GPC6: variants seen among roughly 807,000 people sequenced by gnomAD.
The protein encoded by GPC6 is glypican 6, also known as glypican-6.
In GPC6, 14 loss-of-function variants were observed where a neutral mutation model predicts 55.2. The ratio of observed to expected loss-of-function variants is 0.25; its 90% CI spans 0.17 to 0.40. GPC6 has a LOEUF of 0.40. GPC6 is among the 10% of genes least tolerant of loss of function. GPC6 has a pLI of 1.00. For missense variants in GPC6, 641 were observed against 708.5 expected (o/e 0.90, Z 1.08); for synonymous variants, 278 against 259.6 (o/e 1.07, Z -0.68).
At chr13:93,627,824 GA>G (rs1299125727) in intron 2 of GPC6, among the ~76,000 whole-genome samples, 7 of 152,054 alleles carry the variant, frequency 4.6e-5, no homozygotes, top group African/African-American at 1.7e-4. Context: ...TGTTTTTTCA[GA>G]ATGCATATTT....
At chr13:93,382,621 T>G (rs1222389365) in intron 1 of GPC6, among the ~76,000 whole-genome samples, 2 of 152,214 alleles carry the variant, frequency 1.3e-5, no homozygotes. Context: ...TTTCTAGAGC[T>G]ATGTTGCCAG....
At chr13:93,506,129 G>A (rs1880703999) in intron 1 of GPC6, among the ~76,000 whole-genome samples, 1 of 152,036 alleles carries the variant, frequency 6.6e-6, no homozygotes, top group African/African-American at 2.4e-5. Flanking sequence ...GTCTGGTTTG[G>A]TATGTTAGCA....
At chr13:93,636,922 G>T (rs955190738) in intron 2 of GPC6, among the ~76,000 whole-genome samples, 1 of 142,138 alleles carries the variant, frequency 7.0e-6, no homozygotes, top group South Asian at 2.1e-4. Flanking sequence ...CAGAATAATG[G>T]TATAGTTTTT....
chr13:93,780,813 A>G (rs1255747071), intron 2 of GPC6, among the ~76,000 whole-genome samples: 4 of 152,142 alleles, frequency 2.6e-5, no homozygotes, highest in African/African-American at 9.7e-5. Context: ...GCTTCCTGTG[A>G]TAGTAAAAAC....
intron 1 of GPC6, among the ~76,000 whole-genome samples, chr13:93,252,459 C>A (rs1324963262): frequency 2.6e-5 from 4 of 152,170 alleles, no homozygotes; most frequent in Non-Finnish European, 5.9e-5. Context: ...TGATGTCTTC[C>A]CTGCTTTTAT....
chr13:94,083,373 C>A (rs1171959288), intron 4 of GPC6, among the ~76,000 whole-genome samples: 1 of 152,192 alleles, frequency 6.6e-6, no homozygotes, highest in African/African-American at 2.4e-5. Flanking sequence ...CCACCTTGGC[C>A]TCCCAAAGTG....
chr13:94,370,332 A>G (rs1197418205), intron 6 of GPC6, among the ~76,000 whole-genome samples: 1 of 152,214 alleles, frequency 6.6e-6, no homozygotes, highest in African/African-American at 2.4e-5. Flanking sequence ...GGGAATTTCC[A>G]GACAAATTAA....
intron 8 of GPC6, among the ~76,000 whole-genome samples, chr13:94,401,277 C>T (rs1466857542): frequency 1.3e-5 from 2 of 152,332 alleles, no homozygotes; most frequent in Admixed American, 1.3e-4. Flanking sequence ...ATTATGTCCT[C>T]AGTTAACATT....
chr13:93,450,974 T>C (rs1326103888), intron 1 of GPC6, among the ~76,000 whole-genome samples: 1 of 152,174 alleles, frequency 6.6e-6, no homozygotes, highest in Non-Finnish European at 1.5e-5. Flanking sequence ...GTTAAAATAA[T>C]CTAAGCTTGA....
intron 6 of GPC6, among the ~76,000 whole-genome samples, chr13:94,380,267 C>CATTTATAT (rs1880102047): frequency 6.6e-6 from 1 of 152,076 alleles, no homozygotes; most frequent in Non-Finnish European, 1.5e-5. Context: ...ATTTTCTGAA[C>CATTTATAT]CAGATATAAA....
rs149615578 is a variant in GPC6 at position 94,168,766 on chromosome 13, G to A, written c.878-117583G>A. Among the ~76,000 whole-genome samples the A allele has an allele frequency of 1.4e-3, 204 of 149,318 alleles. 1 individual carries two copies. Among genetic ancestry groups the A allele is most frequent in the African/African-American group, 4.5e-3 (185 of 40,882 alleles). On this transcript the variant is annotated intron_variant, in intron 4 of 8. Transcript: ENST00000377047. The stretch of plus-strand genomic sequence containing the variant: ...TTTACAACTGAATTGGAGTAAAGGC[G>A]AATATAGATGGGATTCATGATTTTA...
chr13:93,769,964 T>C (rs1196713622), intron 2 of GPC6, among the ~76,000 whole-genome samples: 1 of 152,182 alleles, frequency 6.6e-6, no homozygotes, highest in Non-Finnish European at 1.5e-5. Context: ...GTTGGGGGAA[T>C]GGGATCACCA....
At chr13:93,313,745 T>C (rs1167173617) in intron 1 of GPC6, among the ~76,000 whole-genome samples, 1 of 151,978 alleles carries the variant, frequency 6.6e-6, no homozygotes, top group African/African-American at 2.4e-5. Context: ...TAGTGCACTA[T>C]AGCCTAGAAT....
At position 93,329,988 on chromosome 13, in the gene GPC6, G is replaced by A. The variant is rs547946818; in HGVS notation, c.160+102372G>A. Among the ~76,000 whole-genome samples, 7 of 152,270 alleles carry A rather than the reference G, an allele frequency of 4.6e-5. No homozygotes were observed. The East Asian group carries it at 9.6e-4, about 21-fold the overall frequency. ...AAAGTTATTCACTTCACAGGTGGACGTTTTACAAGTCTTAGAAGTTGTACT... is the reference window on the plus strand; with the variant it reads ...AAAGTTATTCACTTCACAGGTGGACATTTTACAAGTCTTAGAAGTTGTACT... On this transcript the variant is annotated intron_variant, in intron 1 of 8. Transcript: ENST00000377047.
chr13:93,571,932 A>G (rs1474914350), intron 2 of GPC6, among the ~76,000 whole-genome samples: 1 of 151,604 alleles, frequency 6.6e-6, no homozygotes. Flanking sequence ...TCAAAAAATG[A>G]TTTCATATTT....
At chr13:93,751,158 AAAACAAACAAAC>A (rs75613000) in intron 2 of GPC6, among the ~76,000 whole-genome samples, 2,809 of 150,568 alleles carry the variant, frequency 0.019, 84 homozygotes, top group African/African-American at 0.065. Flanking sequence ...CAAAAAAAGA[AAAACAAACAAAC>A]AAACAAACAA....
chr13:93,957,982 C>G (rs1222923868), intron 3 of GPC6, among the ~76,000 whole-genome samples: 1 of 152,068 alleles, frequency 6.6e-6, no homozygotes, highest in East Asian at 1.9e-4. Context: ...GACCATTTTT[C>G]CATATGTTTG....
intron 3 of GPC6, among the ~76,000 whole-genome samples, chr13:93,946,358 C>A (rs1253964031): frequency 6.6e-6 from 1 of 152,134 alleles, no homozygotes; most frequent in Non-Finnish European, 1.5e-5. Flanking sequence ...TCTTGAACTC[C>A]TGGGCTCAAG....
At chr13:93,887,008 T>C (rs1378123823) in intron 3 of GPC6, among the ~76,000 whole-genome samples, 1 of 151,958 alleles carries the variant, frequency 6.6e-6, no homozygotes, top group Non-Finnish European at 1.5e-5. Flanking sequence ...TCAATGATAA[T>C]AAGAATGTAT....
Sources: allele counts gnomAD v4.1 joint callset (sites outside exome capture counted in the v4.1 genomes callset), GRCh38; gene constraint gnomAD v4.1.1; transcripts MANE v1.5; gene names NCBI Gene and HGNC (gene_info 2026-07-23, HGNC 2026-07-21).